TCF12: variants seen among roughly 807,000 people sequenced by gnomAD.
TCF12 encodes the protein DNA-binding protein HTF4.
TCF12 carries 45 observed loss-of-function variants against 86.0 expected under a neutral mutation model. The ratio of observed to expected loss-of-function variants is 0.52; its 90% CI spans 0.41 to 0.67. TCF12 has a LOEUF of 0.67. Ranked by LOEUF, TCF12 falls within the 30% of genes least tolerant of loss-of-function variation. TCF12 has a pLI of 0.00. For synonymous variants in TCF12, 330 were observed against 299.6 expected (o/e 1.10, Z -1.05); for missense variants, 881 against 859.9 (o/e 1.02, Z -0.31).
chr15:57,089,468 A>G (rs548062434), intron 4 of TCF12, among the ~76,000 whole-genome samples: 45 of 152,318 alleles, frequency 3.0e-4, no homozygotes, highest in Non-Finnish European at 6.2e-4. Flanking sequence ...TAGCAGGGTA[A>G]AAGACACTAC....
chr15:57,140,326 A>AAATACTGTATAATTCCATTTCTGTG (rs1555516180), intron 5 of TCF12, among the ~76,000 whole-genome samples: 1 of 152,230 alleles, frequency 6.6e-6, no homozygotes, highest in Non-Finnish European at 1.5e-5. Flanking sequence ...ATAAAAAGAC[A>AAATACTGTATAATTCCATTTCTGTG]AATACTGTAT....
At chr15:57,226,020 G>C (rs1397885969) in intron 8 of TCF12, among the ~76,000 whole-genome samples, 1 of 75,002 alleles carries the variant, frequency 1.3e-5, no homozygotes, top group African/African-American at 5.6e-5. Flanking sequence ...CCTCCCCCCA[G>C]ATTAATCAAT....
At chr15:56,973,483 A>G (rs998689791) in intron 3 of TCF12, among the ~76,000 whole-genome samples, 9 of 152,126 alleles carry the variant, frequency 5.9e-5, no homozygotes, top group African/African-American at 1.9e-4. Flanking sequence ...ATAAGAATCT[A>G]TGAGTACATA....
intron 6 of TCF12, among the ~76,000 whole-genome samples, chr15:57,183,060 T>C (rs1307961057): frequency 1.3e-5 from 2 of 152,168 alleles, no homozygotes; most frequent in Non-Finnish European, 2.9e-5. Flanking sequence ...ATACTTAAGA[T>C]TGCTATAAAT....
chr15:56,920,986 G>T, intron 2 of TCF12, 40 bp from the exon 3 acceptor site: 1 of 1,500,694 alleles, frequency 6.7e-7, no homozygotes, highest in South Asian at 1.3e-5. Context: ...GAATCTAGAA[G>T]AATTTCAGGA....
intron 5 of TCF12, among the ~76,000 whole-genome samples, chr15:57,134,927 C>T (rs1484694412): frequency 6.6e-6 from 1 of 150,754 alleles, no homozygotes; most frequent in African/African-American, 2.4e-5. Context: ...CCACATTCCT[C>T]CTCCTTTTCC....
Position 57,289,099 on chromosome 15 carries a change from G to A in TCF12, c.*2954G>A, listed in dbSNP as rs1474431519. 2.0e-5 allele frequency: 3 copies of A among 152,090 alleles called. No homozygotes were observed. The highest frequency in any genetic ancestry group is 2.9e-5 in the Non-Finnish European group (2 of 68,024). The allele number at this position is 152,090 out of a possible 1,614,324, so 9.4% of individuals were successfully genotyped here. On this transcript the variant is annotated 3_prime_UTR_variant, in exon 21 of 21. Transcript: ENST00000333725. The stretch of plus-strand genomic sequence containing the variant: ...TTTTGACAGTGAATGACTTTTTGTA[G>A]GACCTGTGCGTGCGAAACCCATGGC...
intron 8 of TCF12, among the ~76,000 whole-genome samples, chr15:57,212,478 A>G (rs901882738): frequency 1.3e-5 from 2 of 152,068 alleles, no homozygotes; most frequent in African/African-American, 2.4e-5. Flanking sequence ...AGGTCTTGCC[A>G]TGTTGCCCAG....
intron 5 of TCF12, among the ~76,000 whole-genome samples, chr15:57,117,870 A>T (rs1348125225): frequency 1.3e-5 from 2 of 152,210 alleles, no homozygotes; most frequent in African/African-American, 4.8e-5. Context: ...ATATTTTATA[A>T]AAATTGTTTT....
rs190480536 is a variant in TCF12, at chr15:57,189,778, A to G, written c.391-2380A>G. Among the ~76,000 whole-genome samples, 81 of 152,382 alleles carry G rather than the reference A, an allele frequency of 5.3e-4. 1 individual carries two copies. The highest frequency in any genetic ancestry group is 1.9e-3 in the African/African-American group (79 of 41,586). On this transcript the variant is annotated intron_variant, in intron 6 of 20. Transcript: ENST00000333725. ...TGAAAACAATTACTCAAATACTTGT[A>G]CATGAATATACATAGCAGTACTATT...
chr15:57,061,998 C>T (rs545663414), intron 3 of TCF12, among the ~76,000 whole-genome samples: 1 of 151,966 alleles, frequency 6.6e-6, no homozygotes, highest in Non-Finnish European at 1.5e-5. Context: ...GCTCTGTCAC[C>T]CAGGCTGGAG....
In TCF12 at chr15:57,192,291, T is replaced by C; in HGVS notation, c.524T>C (p.Leu175Pro). 1 of 1,613,988 alleles carries C rather than the reference T, an allele frequency of 6.2e-7. No homozygotes were observed. The highest frequency in any genetic ancestry group is 8.5e-7 in the Non-Finnish European group (1 of 1,179,924). ...RRRPLHDSAA[L>P]DPLQAKKVRK... ...AGACCACTCCATGACTCTGCAGCGC[T>C]TGGTGAGTGTATCACACAACAAATC... is the stretch of plus-strand genomic sequence containing the variant. Residue 175 changes from leucine (L) to proline (P), a missense_variant and splice_region_variant, in exon 7 of 21, where the codon CTT becomes CCT. Physicochemically the swap from Leu to Pro is moderately conservative, Grantham distance 98. Coordinates refer to ENST00000333725, the MANE Select transcript of TCF12 (RefSeq NM_207037.2).
At chr15:57,188,575 A>G (rs1424879511) in intron 6 of TCF12, among the ~76,000 whole-genome samples, 2 of 152,202 alleles carry the variant, frequency 1.3e-5, no homozygotes, top group Non-Finnish European at 2.9e-5. Context: ...ACTTACTACA[A>G]AGCTACAGTT....
At chr15:57,106,384 T>G (rs2050134372) in intron 5 of TCF12, among the ~76,000 whole-genome samples, 1 of 152,256 alleles carries the variant, frequency 6.6e-6, no homozygotes. Flanking sequence ...TAACTGACGC[T>G]TTTCTATAAA....
chr15:56,920,876 A>T, intron 2 of TCF12, 150 bp from the exon 3 acceptor site: 1 of 535,490 alleles, frequency 1.9e-6, no homozygotes, highest in Non-Finnish European at 3.3e-6. Flanking sequence ...CATTCAGTGT[A>T]TTTGCCTCTC....
chr15:56,928,515 C>T (rs1027262561), intron 3 of TCF12, among the ~76,000 whole-genome samples: 1 of 152,242 alleles, frequency 6.6e-6, no homozygotes, highest in East Asian at 1.9e-4. Flanking sequence ...ACAAGAGCAA[C>T]AAGTCAGAGT....
At chr15:56,969,611 C>CA (rs1331142201) in intron 3 of TCF12, among the ~76,000 whole-genome samples, 1 of 145,714 alleles carries the variant, frequency 6.9e-6, no homozygotes, top group East Asian at 2.0e-4. Context: ...GATCTTGGCT[C>CA]ACTGCAGCCT....
intron 8 of TCF12, among the ~76,000 whole-genome samples, chr15:57,203,313 A>G (rs116121593): frequency 0.011 from 1,747 of 152,160 alleles, 33 homozygotes; most frequent in African/African-American, 0.039. Context: ...CCTCTGAAGC[A>G]TTTCTCAGAT....
At chr15:57,006,004 A>C (rs2064350617) in intron 3 of TCF12, among the ~76,000 whole-genome samples, 1 of 152,110 alleles carries the variant, frequency 6.6e-6, no homozygotes, top group Non-Finnish European at 1.5e-5. Flanking sequence ...ATTTTATTGG[A>C]TATATTGCTA....
Sources: gnomAD v4.1 joint callset for allele counts (sites outside exome capture counted in the v4.1 genomes callset) on GRCh38, gnomAD v4.1.1 for gene constraint, MANE v1.5 for transcripts, NCBI Gene and HGNC (gene_info 2026-07-23, HGNC 2026-07-21) for gene names.